The following RYR3 variants were observed in gnomAD, a reference collection of about 807,000 sequenced individuals.
RYR3 encodes brain ryanodine receptor-calcium release channel.
Under a neutral mutation model 584.3 loss-of-function variants are expected in RYR3, and 207 were observed. The observed-to-expected ratio is 0.35, with a 90% CI of 0.32 to 0.40. The LOEUF (loss-of-function observed/expected upper bound fraction) is 0.40, where lower values mean the gene tolerates loss of function less well. Among genes scored for constraint, RYR3 ranks in the 10% least tolerant of loss-of-function variants. RYR3 has a pLI of 1.00. For synonymous variants in RYR3, 2,416 were observed against 2,248.5 expected (o/e 1.07, Z -2.11); for missense variants, 5,616 against 6,089.2 (o/e 0.92, Z 2.59).
Position 33,435,550 on chromosome 15 carries a change from T to C in RYR3, c.52-37869T>C, listed in dbSNP as rs573703170. Reference sequence around the variant, plus strand: ...TTTCTTCAGGATTTATACTTACAAATGAAATTGATGGGTCAAATGGGCTAT... The same window carrying C: ...TTTCTTCAGGATTTATACTTACAAACGAAATTGATGGGTCAAATGGGCTAT... On this transcript the variant is annotated intron_variant, in intron 1 of 103. Coordinates refer to ENST00000634891, the MANE Select transcript of RYR3 (RefSeq NM_001036.6). Among the ~76,000 whole-genome samples the C allele has an allele frequency of 2.0e-5, 3 of 152,346 alleles. No homozygotes were observed. In the South Asian group the frequency reaches 6.2e-4, roughly 32 times the overall value.
intron 23 of RYR3, among the ~76,000 whole-genome samples, chr15:33,632,300 G>A (rs1388692271): frequency 6.6e-6 from 1 of 152,138 alleles, no homozygotes; most frequent in Non-Finnish European, 1.5e-5. Flanking sequence ...CTTTCCTAAG[G>A]TTTCACTCCG....
At chr15:33,439,937 G>A (rs948581617) in intron 1 of RYR3, among the ~76,000 whole-genome samples, 53 of 152,136 alleles carry the variant, frequency 3.5e-4, no homozygotes, top group Non-Finnish European at 5.9e-5. Context: ...CATGGATAGC[G>A]ACAGGTAGAT....
intron 1 of RYR3, among the ~76,000 whole-genome samples, chr15:33,469,969 G>A (rs1390945697): frequency 6.6e-6 from 1 of 152,138 alleles, no homozygotes; most frequent in Non-Finnish European, 1.5e-5. Flanking sequence ...GGGATCCTGG[G>A]CATGACTTAT....
intron 52 of RYR3, among the ~76,000 whole-genome samples, chr15:33,744,038 C>T (rs765882883): frequency 6.6e-6 from 1 of 152,166 alleles, no homozygotes; most frequent in Non-Finnish European, 1.5e-5. Flanking sequence ...CCTCCAGCCA[C>T]CTCCCCTTAT....
chr15:33,313,800 C>G (rs1293816141), intron 1 of RYR3, among the ~76,000 whole-genome samples: 1 of 152,172 alleles, frequency 6.6e-6, no homozygotes, highest in East Asian at 1.9e-4. Context: ...TCCCAGAGAG[C>G]AGAAGCTTTT....
chr15:33,455,142 G>T (rs1285372724), intron 1 of RYR3, among the ~76,000 whole-genome samples: 1 of 152,156 alleles, frequency 6.6e-6, no homozygotes, highest in Non-Finnish European at 1.5e-5. Flanking sequence ...AGCTGTGGAT[G>T]ACTTCCAGGT....
chr15:33,516,784 G>A (rs915726086), intron 3 of RYR3, among the ~76,000 whole-genome samples: 1 of 151,956 alleles, frequency 6.6e-6, no homozygotes, highest in Non-Finnish European at 1.5e-5. Flanking sequence ...GAACCTCCCT[G>A]TAACCAGATC....
At position 33,353,891 on chromosome 15, in the gene RYR3, T is replaced by A. The variant is rs117608725; in HGVS notation, c.51+42795T>A. On this transcript the variant is annotated intron_variant, in intron 1 of 103. Transcript: ENST00000634891. ...AGAAAATTCTTTATGGTAGGAGAAA[T>A]TTAGTTTCCATAAAATAAATCATGT... 2.1e-3 allele frequency among the ~76,000 whole-genome samples: 326 copies of A among 152,200 alleles called. 8 individuals carry two copies. The East Asian group carries it at 0.056, about 26-fold the overall frequency.
intron 6 of RYR3, among the ~76,000 whole-genome samples, chr15:33,540,457 T>C (rs976429026): frequency 6.6e-6 from 1 of 152,124 alleles, no homozygotes; most frequent in Non-Finnish European, 1.5e-5. Flanking sequence ...TTACTTTGCC[T>C]AGGCCAAGTG....
At chr15:33,347,213 A>G (rs1158387469) in intron 1 of RYR3, among the ~76,000 whole-genome samples, 1 of 152,166 alleles carries the variant, frequency 6.6e-6, no homozygotes, top group Non-Finnish European at 1.5e-5. Flanking sequence ...CACAGCCTAC[A>G]CTTAAGGAGT....
intron 12 of RYR3, among the ~76,000 whole-genome samples, chr15:33,579,761 T>C (rs538158718): frequency 7.9e-5 from 12 of 152,346 alleles, no homozygotes; most frequent in African/African-American, 2.6e-4. Flanking sequence ...CACTTCCCTT[T>C]GTTTATGAAA....
At chr15:33,566,402 T>C (rs1287657120) in intron 11 of RYR3, among the ~76,000 whole-genome samples, 1 of 152,206 alleles carries the variant, frequency 6.6e-6, no homozygotes, top group African/African-American at 2.4e-5. Context: ...TATCGCCCTT[T>C]CAAATCTAGG....
intron 1 of RYR3, among the ~76,000 whole-genome samples, chr15:33,423,726 C>G (rs2044405604): frequency 6.6e-6 from 1 of 151,984 alleles, no homozygotes; most frequent in Non-Finnish European, 1.5e-5. Flanking sequence ...CTCTTATGCA[C>G]CCTGGATTTG....
chr15:33,742,756 A>G (rs1039194840), intron 52 of RYR3, among the ~76,000 whole-genome samples: 2 of 152,176 alleles, frequency 1.3e-5, no homozygotes, highest in East Asian at 3.9e-4. Flanking sequence ...TAAATGCTTA[A>G]TGGGAATGGG....
intron 38 of RYR3, among the ~76,000 whole-genome samples, chr15:33,671,674 C>T (rs757246263): frequency 6.6e-6 from 1 of 152,102 alleles, no homozygotes; most frequent in African/African-American, 2.4e-5. Flanking sequence ...GCCACAAAAA[C>T]GTGAGTTTAG....
intron 87 of RYR3, among the ~76,000 whole-genome samples, chr15:33,836,036 G>C (rs992233854): frequency 6.6e-6 from 1 of 151,936 alleles, no homozygotes; most frequent in African/African-American, 2.4e-5. Flanking sequence ...GTATATAGCT[G>C]TGATACACAC....
intron 8 of RYR3, among the ~76,000 whole-genome samples, chr15:33,546,443 C>A (rs1262390709): frequency 6.6e-6 from 1 of 152,084 alleles, no homozygotes; most frequent in East Asian, 1.9e-4. Context: ...GATTTTCTTC[C>A]TAATATTTAT....
intron 2 of RYR3, among the ~76,000 whole-genome samples, chr15:33,486,488 A>C (rs1210843667): frequency 6.6e-6 from 1 of 152,184 alleles, no homozygotes; most frequent in Non-Finnish European, 1.5e-5. Flanking sequence ...ACTTGATTAT[A>C]TCTGATAAGG....
At chr15:33,372,352 C>T (rs192199546) in intron 1 of RYR3, among the ~76,000 whole-genome samples, 2,698 of 147,758 alleles carry the variant, frequency 0.018, 47 homozygotes, top group Middle Eastern at 0.041. Context: ...CTGCCATGCC[C>T]GGCTAATTTT....
Sources: gnomAD v4.1 joint callset for allele counts (sites outside exome capture counted in the v4.1 genomes callset) on GRCh38, gnomAD v4.1.1 for gene constraint, MANE v1.5 for transcripts, NCBI Gene and HGNC (gene_info 2026-07-23, HGNC 2026-07-21) for gene names.